TRAPPC9: variants seen among roughly 807,000 people sequenced by gnomAD.
TRAPPC9 encodes IKK2 binding protein.
TRAPPC9 carries 83 observed loss-of-function variants against 124.0 expected under a neutral mutation model. The ratio of observed to expected loss-of-function variants is 0.67; its 90% CI spans 0.56 to 0.80. TRAPPC9 has a LOEUF of 0.80. Ranked by LOEUF, TRAPPC9 falls within the 30% of genes least tolerant of loss-of-function variation. The pLI, the probability that TRAPPC9 is intolerant of heterozygous loss-of-function variation, is 0.00. For missense variants in TRAPPC9, 1,302 were observed against 1,508.3 expected (o/e 0.86, Z 2.27); for synonymous variants, 638 against 617.5 (o/e 1.03, Z -0.49).
chr8:139,860,288 T>C (rs1486507034), intron 21 of TRAPPC9, among the ~76,000 whole-genome samples: 1 of 152,042 alleles, frequency 6.6e-6, no homozygotes, highest in East Asian at 1.9e-4. Context: ...ACCCCACACA[T>C]GCTGAGGCTC....
intron 17 of TRAPPC9, among the ~76,000 whole-genome samples, chr8:140,125,413 A>C (rs1404230700): frequency 6.6e-6 from 1 of 152,080 alleles, no homozygotes; most frequent in Non-Finnish European, 1.5e-5. Flanking sequence ...GGGTCAACTC[A>C]GGTTTATGAG....
chr8:139,861,777 T>A (rs999383884), intron 21 of TRAPPC9, among the ~76,000 whole-genome samples: 3 of 152,076 alleles, frequency 2.0e-5, no homozygotes, highest in Non-Finnish European at 2.9e-5. Context: ...GGTCTCCACA[T>A]GGGAAAACGT....
chr8:140,206,671 T>C (rs1373722196), intron 17 of TRAPPC9, among the ~76,000 whole-genome samples: 2 of 152,066 alleles, frequency 1.3e-5, no homozygotes, highest in East Asian at 3.9e-4. Flanking sequence ...TCACCTTACA[T>C]GCTCTGACCT....
chr8:139,999,081 A>T (rs1838226104), intron 18 of TRAPPC9, among the ~76,000 whole-genome samples: 1 of 152,214 alleles, frequency 6.6e-6, no homozygotes, highest in South Asian at 2.1e-4. Context: ...ATAAACAAAA[A>T]ACAAACCAAA....
chr8:140,419,846 A>C (rs2070138915), intron 5 of TRAPPC9, among the ~76,000 whole-genome samples: 1 of 152,124 alleles, frequency 6.6e-6, no homozygotes, highest in African/African-American at 2.4e-5. Flanking sequence ...AGATTGCGCC[A>C]CTGCACTCCA....
intron 21 of TRAPPC9, among the ~76,000 whole-genome samples, chr8:139,877,495 T>C (rs1418259243): frequency 6.6e-6 from 1 of 152,194 alleles, no homozygotes; most frequent in Non-Finnish European, 1.5e-5. Context: ...TCCAGCCCGA[T>C]GTGCAGATTC....
chr8:140,310,165 G>A (rs1328460165), intron 10 of TRAPPC9, among the ~76,000 whole-genome samples: 1 of 152,124 alleles, frequency 6.6e-6, no homozygotes, highest in African/African-American at 2.4e-5. Context: ...TTACTTCATT[G>A]AATTCTCATA....
intron 17 of TRAPPC9, among the ~76,000 whole-genome samples, chr8:140,156,740 A>T (rs1453186575): frequency 6.6e-6 from 1 of 152,252 alleles, no homozygotes; most frequent in Non-Finnish European, 1.5e-5. Context: ...AGAAAAGAGT[A>T]CCGCCACTGA....
At chr8:139,829,230 T>C (rs1417946627) in intron 21 of TRAPPC9, among the ~76,000 whole-genome samples, 1 of 152,262 alleles carries the variant, frequency 6.6e-6, no homozygotes, top group Non-Finnish European at 1.5e-5. Context: ...TGCTCTCTCT[T>C]CGCTCTACGA....
intron 17 of TRAPPC9, among the ~76,000 whole-genome samples, chr8:140,194,051 T>C (rs1258968318): frequency 1.3e-5 from 2 of 152,220 alleles, no homozygotes; most frequent in African/African-American, 2.4e-5. Context: ...TAATCCATCA[T>C]TGTAACCCTA....
Position 140,451,192 on chromosome 8 carries a change from T to C in TRAPPC9, c.182A>G (p.Tyr61Cys). 3 of 1,614,044 alleles carry C rather than the reference T, an allele frequency of 1.9e-6. No homozygotes were observed. The highest frequency in any genetic ancestry group is 2.2e-5 in the East Asian group (1 of 44,868). ...RVLYIRYRHH[Y>C]PPENNEWGDF... ...ACCCCACTCGTTGTTCTCGGGTGGG[T>C]AGTGGTGCCTGTAGCGGATGTAGAG... The change falls in exon 2 of 23, where the codon TAC becomes TGC. Residue 61 changes from tyrosine (Y) to cysteine (C), a missense_variant. Coordinates refer to ENST00000438773, the MANE Select transcript of TRAPPC9 (RefSeq NM_001160372.4).
At chr8:139,900,015 C>T (rs1830920865) in intron 20 of TRAPPC9, among the ~76,000 whole-genome samples, 2 of 152,188 alleles carry the variant, frequency 1.3e-5, no homozygotes, top group South Asian at 4.1e-4. Flanking sequence ...AGACTTCATT[C>T]CACCATTTGA....
At chr8:139,794,045 C>A (rs1822883259) in intron 21 of TRAPPC9, among the ~76,000 whole-genome samples, 1 of 152,020 alleles carries the variant, frequency 6.6e-6, no homozygotes, top group African/African-American at 2.4e-5. Flanking sequence ...TTGGGAGAGG[C>A]CTCCCCTGCT....
intron 19 of TRAPPC9, among the ~76,000 whole-genome samples, chr8:139,923,606 T>G (rs1186876245): frequency 6.6e-6 from 1 of 151,766 alleles, no homozygotes; most frequent in Non-Finnish European, 1.5e-5. Flanking sequence ...TTCTAGTGGC[T>G]TCCCTGACGA....
intron 17 of TRAPPC9, among the ~76,000 whole-genome samples, chr8:140,136,231 A>C (rs188465504): frequency 6.6e-6 from 1 of 152,204 alleles, no homozygotes; most frequent in East Asian, 1.9e-4. Context: ...CCTGGTATGG[A>C]TATTTCAGGT....
At chr8:140,117,782 A>G (rs571382013) in intron 17 of TRAPPC9, among the ~76,000 whole-genome samples, 1 of 152,358 alleles carries the variant, frequency 6.6e-6, no homozygotes, top group Non-Finnish European at 1.5e-5. Context: ...AACAGAACTC[A>G]CTGAGCAGCA....
intron 20 of TRAPPC9, among the ~76,000 whole-genome samples, chr8:139,901,022 A>T (rs190903657): frequency 2.7e-4 from 41 of 150,244 alleles, no homozygotes; most frequent in East Asian, 7.8e-4. Context: ...AATAAATAAA[A>T]ATAAAATAAA....
chr8:140,221,961 C>T (rs1366317202), intron 16 of TRAPPC9, among the ~76,000 whole-genome samples: 2 of 152,194 alleles, frequency 1.3e-5, no homozygotes, highest in Admixed American at 6.5e-5. Flanking sequence ...GTTACAGCTG[C>T]CTGATGTGTC....
chr8:139,859,720 C>T lies in TRAPPC9; in HGVS notation c.3055+26159G>A, dbSNP rs117142414. On this transcript the variant is annotated intron_variant, in intron 21 of 22. Coordinates refer to ENST00000438773, the MANE Select transcript of TRAPPC9 (RefSeq NM_001160372.4). ...CTGGCACCCAGAGGATGTTGGGTGC[C>T]AAGAAGAGAGGCACGTCTTTGGGAA... Among the ~76,000 whole-genome samples the T allele has an allele frequency of 4.9e-4, 74 of 152,254 alleles. No individual in the cohort carries two copies. The East Asian group carries it at 0.012, about 25-fold the overall frequency.
Sources: allele counts gnomAD v4.1 joint callset (sites outside exome capture counted in the v4.1 genomes callset), GRCh38; gene constraint gnomAD v4.1.1; transcripts MANE v1.5; gene names NCBI Gene and HGNC (gene_info 2026-07-23, HGNC 2026-07-21).